Variants in RBM20 observed in about 807,000 individuals in gnomAD.
The protein encoded by RBM20 is RNA-binding protein 20.
A neutral mutation model predicts 110.1 loss-of-function variants in RBM20; 51 were observed. That is an observed-to-expected ratio of 0.46 (90% CI 0.37 to 0.59). The LOEUF is 0.59. Among genes scored for constraint, RBM20 ranks in the 20% least tolerant of loss-of-function variants. The pLI is 0.00. For synonymous variants in RBM20, 589 were observed against 618.2 expected, an observed-to-expected ratio of 0.95 and a Z score of 0.70; for missense variants, 1,512 against 1,574.9, an observed-to-expected ratio of 0.96 and a Z score of 0.68.
chr10:110,809,005 G>A (rs11195337), intron 7 of RBM20, among the ~76,000 whole-genome samples: 9,292 of 151,922 alleles, frequency 0.061, 395 homozygotes, highest in East Asian at 0.2. Flanking sequence ...GCTTGAGCCC[G>A]GGCGTTCAAG....
chr10:110,780,489 T>C (rs1844322688), intron 1 of RBM20, among the ~76,000 whole-genome samples: 1 of 152,248 alleles, frequency 6.6e-6, no homozygotes, highest in South Asian at 2.1e-4. Context: ...TATTCTACTC[T>C]CTCTCCAACA....
At chr10:110,808,797 G>T (rs893635476) in intron 7 of RBM20, among the ~76,000 whole-genome samples, 3 of 151,998 alleles carry the variant, frequency 2.0e-5, no homozygotes, top group Non-Finnish European at 4.4e-5. Context: ...AACAATAACA[G>T]ATAATCAGCC....
In RBM20 at chr10:110,821,506, A is replaced by G. The variant is rs371951525; in HGVS notation, c.2887A>G (p.Lys963Glu). ...CTTAGACCTGGCCCAGGATTTCCCCAAGGAAGGAGTCAAGGCCGTAGGGAA... is the reference window on the plus strand; with the variant it reads ...CTTAGACCTGGCCCAGGATTTCCCCGAGGAAGGAGTCAAGGCCGTAGGGAA... ...LDLDLAQDFP[K>E]EGVKAVGNGA... The change falls in exon 11 of 14, where the codon AAG (lysine) becomes GAG (glutamate). Residue 963 changes from lysine to glutamate, a missense_variant. This residue lies in a region of RBM20 where 358 missense variants were observed against 384.2 expected (regional missense o/e 0.93). Coordinates refer to ENST00000369519, the MANE Select transcript of RBM20 (RefSeq NM_001134363.3). 751 of 1,551,892 alleles carry G rather than the reference A, an allele frequency of 4.8e-4. No individual in the cohort carries two copies. The highest frequency in any genetic ancestry group is 5.9e-4 in the Non-Finnish European group (673 of 1,147,068).
rs569625197 is a variant in RBM20, at chr10:110,794,121, C to G, written c.1528-3387C>G. 3.9e-5 allele frequency among the ~76,000 whole-genome samples: 6 copies of G among 152,260 alleles called. No individual in the cohort carries two copies. In the East Asian group the frequency reaches 1.2e-3, roughly 29 times the overall value. ...TTCCTCCTTCGCTCCCTCCCTTTTT[C>G]CCTCATGATTCAGATCTCCCACAGG... On this transcript the variant is annotated intron_variant, in intron 5 of 13. Transcript: ENST00000369519.
chr10:110,702,331 G>C (rs1862771899), intron 1 of RBM20, among the ~76,000 whole-genome samples: 1 of 149,936 alleles, frequency 6.7e-6, no homozygotes, highest in Admixed American at 6.7e-5. Context: ...CCTGAGGGCA[G>C]GAGTTCAAAA....
chr10:110,668,433 TAA>T (rs938493080), intron 1 of RBM20, among the ~76,000 whole-genome samples: 13 of 152,340 alleles, frequency 8.5e-5, no homozygotes, highest in African/African-American at 3.1e-4. Context: ...TTGTGATGCG[TAA>T]AGTCTCCCCT....
intron 7 of RBM20, among the ~76,000 whole-genome samples, chr10:110,801,876 A>C (rs922040883): frequency 6.6e-6 from 1 of 151,618 alleles, no homozygotes; most frequent in African/African-American, 2.4e-5. Flanking sequence ...TTATTCCCCT[A>C]ATTGCGCATG....
rs1215615226 is a variant in RBM20, at chr10:110,672,502, C to T, written c.191+27857C>T. Among the ~76,000 whole-genome samples, 4 of 152,362 alleles carry T rather than the reference C, an allele frequency of 2.6e-5. No individual in the cohort carries two copies. The South Asian group carries it at 8.3e-4, about 32-fold the overall frequency. On this transcript the variant is annotated intron_variant, in intron 1 of 13. Transcript: ENST00000369519. The stretch of plus-strand genomic sequence containing the variant: ...CGTCCTCCCTCGCCCGGCGGAGCTT[C>T]CGTGATCGTCAGCCAAAGCCCCCGG...
chr10:110,709,908 A>G (rs1471883218), intron 1 of RBM20, among the ~76,000 whole-genome samples: 1 of 152,170 alleles, frequency 6.6e-6, no homozygotes, highest in African/African-American at 2.4e-5. Context: ...CAACTAAAAA[A>G]GTCAGAACCC....
At chr10:110,785,575 A>G (rs1038474504) in intron 5 of RBM20, among the ~76,000 whole-genome samples, 12 of 152,110 alleles carry the variant, frequency 7.9e-5, no homozygotes, top group Non-Finnish European at 1.8e-4. Context: ...AAACAAAAAA[A>G]CCATTTTCTC....
intron 11 of RBM20, among the ~76,000 whole-genome samples, chr10:110,822,692 G>A (rs1238740220): frequency 2.0e-5 from 3 of 152,194 alleles, no homozygotes; most frequent in Admixed American, 6.5e-5. Flanking sequence ...TGAAGTGAGA[G>A]TCAGGGGCAG....
intron 1 of RBM20, among the ~76,000 whole-genome samples, chr10:110,664,066 C>T (rs979717457): frequency 6.6e-6 from 1 of 152,126 alleles, no homozygotes; most frequent in Admixed American, 6.5e-5. Flanking sequence ...GATGTATTTT[C>T]TTTTAAACAA....
chr10:110,727,764 A>C (rs761942992), intron 1 of RBM20, among the ~76,000 whole-genome samples: 17 of 152,140 alleles, frequency 1.1e-4, no homozygotes, highest in Non-Finnish European at 1.2e-4. Context: ...TAAGCCCTGC[A>C]TGCCTTAGGT....
intron 13 of RBM20, among the ~76,000 whole-genome samples, chr10:110,832,792 C>T (rs4525160): frequency 0.72 from 109,644 of 152,092 alleles, 39,794 homozygotes; most frequent in Admixed American, 0.79. Context: ...ACTCAAGTCA[C>T]TTAAGCCTCT....
intron 1 of RBM20, among the ~76,000 whole-genome samples, chr10:110,734,797 T>C (rs1018440750): frequency 1.3e-5 from 2 of 151,722 alleles, no homozygotes; most frequent in African/African-American, 4.8e-5. Flanking sequence ...TCCCCACTCA[T>C]GCCCCCTGAA....
intron 1 of RBM20, among the ~76,000 whole-genome samples, chr10:110,649,690 T>C (rs367964565): frequency 6.6e-6 from 1 of 152,216 alleles, no homozygotes; most frequent in Non-Finnish European, 1.5e-5. Flanking sequence ...TTGCTGTGGA[T>C]CTGCAGCTAG....
rs575376253 is a variant in RBM20 at position 110,670,498 on chromosome 10, C to T, written c.191+25853C>T. Reference sequence around the variant, plus strand: ...AGACATTGGCTTCTGCTTCTTTCACCATCATTATGATTTGTGGGCATTGAT... The same window carrying T: ...AGACATTGGCTTCTGCTTCTTTCACTATCATTATGATTTGTGGGCATTGAT... On this transcript the variant is annotated intron_variant, in intron 1 of 13. Coordinates refer to ENST00000369519, the MANE Select transcript of RBM20 (RefSeq NM_001134363.3). Among the ~76,000 whole-genome samples the T allele has an allele frequency of 1.5e-4, 23 of 152,318 alleles. No homozygotes were observed. In the South Asian group the frequency reaches 4.8e-3, roughly 32 times the overall value.
intron 7 of RBM20, among the ~76,000 whole-genome samples, chr10:110,805,644 G>A (rs1844684819): frequency 6.6e-6 from 1 of 152,212 alleles, no homozygotes; most frequent in South Asian, 2.1e-4. Context: ...TCGGCAATAA[G>A]CCTTGACCCA....
intron 1 of RBM20, among the ~76,000 whole-genome samples, chr10:110,743,762 C>T (rs1322445576): frequency 2.0e-5 from 3 of 152,104 alleles, no homozygotes; most frequent in Admixed American, 6.5e-5. Flanking sequence ...ACCACAGATG[C>T]GCACCATCAC....
Sources: gnomAD v4.1 joint callset for allele counts (sites outside exome capture counted in the v4.1 genomes callset) on GRCh38, gnomAD v4.1.1 for gene constraint, gnomAD v4.1.1 regional missense constraint, MANE v1.5 for transcripts, NCBI Gene and HGNC (gene_info 2026-07-23, HGNC 2026-07-21) for gene names.